Variants in TMEM135 observed in about 807,000 individuals in gnomAD.
TMEM135 encodes peroxisomal membrane protein 52.
Under a neutral mutation model 60.3 loss-of-function variants are expected in TMEM135, and 30 were observed. That is an observed-to-expected ratio of 0.50 (90% CI 0.37 to 0.68). TMEM135 has a LOEUF of 0.68. Ranked by LOEUF, TMEM135 falls within the 30% of genes least tolerant of loss-of-function variation. TMEM135 has a pLI of 0.00. For missense variants in TMEM135, 468 were observed against 548.8 expected (o/e 0.85, Z 1.47); for synonymous variants, 190 against 186.7 (o/e 1.02, Z -0.14).
Position 87,326,456 on chromosome 11 carries a change from G to T in TMEM135, c.*5123G>T, listed in dbSNP as rs764959845. On this transcript the variant is annotated 3_prime_UTR_variant, in exon 15 of 15. Transcript: ENST00000305494. The stretch of plus-strand genomic sequence containing the variant: ...ATCTCTTAAATTAATTTTCTTTTCA[G>T]ATTATTTTTGGTCACCTAAGAGGAC... 3.1e-4 allele frequency: 141 copies of T among 453,830 alleles called. No homozygotes were observed. The highest frequency in any genetic ancestry group is 5.6e-4 in the Non-Finnish European group (127 of 226,774). 28.1% of individuals were successfully genotyped at this position (453,830 alleles called of 1,614,324 possible).
At chr11:87,128,024 C>T (rs771481520) in intron 4 of TMEM135, among the ~76,000 whole-genome samples, 4 of 152,138 alleles carry the variant, frequency 2.6e-5, no homozygotes, top group Non-Finnish European at 4.4e-5. Context: ...TCTCATCATG[C>T]TTGATCTAGA....
At chr11:87,287,819 C>T (rs1234016158) in intron 6 of TMEM135, among the ~76,000 whole-genome samples, 2 of 152,018 alleles carry the variant, frequency 1.3e-5, no homozygotes, top group African/African-American at 2.4e-5. Context: ...TGTTTTGTGC[C>T]TCTTTCTAGC....
chr11:87,326,535 C>A lies in TMEM135; in HGVS notation c.*5202C>A, dbSNP rs1052912773. ...GCATGAAGTACATTCTGTGGTTGGT[C>A]ATTATGGGATTGGATGCCAAAAGGA... On this transcript the variant is annotated 3_prime_UTR_variant, in exon 15 of 15. Transcript: ENST00000305494. 4.4e-6 allele frequency: 2 copies of A among 453,920 alleles called. No individual in the cohort carries two copies. Among genetic ancestry groups the A allele is most frequent in the Admixed American group, 2.4e-5 (1 of 42,530 alleles). 28.1% of individuals were successfully genotyped at this position (453,920 alleles called of 1,614,324 possible). A position where few individuals can be genotyped will look rare whatever the true frequency, so the allele number is the denominator to read the frequency against.
intron 8 of TMEM135, among the ~76,000 whole-genome samples, chr11:87,303,184 G>A (rs574385156): frequency 3.6e-4 from 55 of 152,270 alleles, no homozygotes; most frequent in African/African-American, 1.3e-3. Context: ...GAGCATTACC[G>A]TTTGAACTCT....
At chr11:87,269,092 A>G (rs931224808) in intron 6 of TMEM135, among the ~76,000 whole-genome samples, 3 of 151,044 alleles carry the variant, frequency 2.0e-5, no homozygotes, top group African/African-American at 7.3e-5. Context: ...TACGCAATGC[A>G]CATTTTATTT....
chr11:87,111,642 C>A (rs1857751059), intron 4 of TMEM135, among the ~76,000 whole-genome samples: 1 of 127,494 alleles, frequency 7.8e-6, no homozygotes, highest in Non-Finnish European at 1.6e-5. Context: ...CTGAGCAAGA[C>A]TCCGTCTCAA....
intron 1 of TMEM135, 83 bp downstream of exon 1, chr11:87,038,269 T>TG (rs1204389858): frequency 7.3e-7 from 1 of 1,366,828 alleles, no homozygotes; most frequent in African/African-American, 1.6e-5. Flanking sequence ...CGAGGGGCTC[T>TG]GGGGGACTTG....
chr11:87,214,749 T>C (rs975157040), intron 5 of TMEM135, among the ~76,000 whole-genome samples: 1 of 152,198 alleles, frequency 6.6e-6, no homozygotes, highest in Non-Finnish European at 1.5e-5. Context: ...GGTTGACTTA[T>C]GTAGAGTTTT....
intron 4 of TMEM135, among the ~76,000 whole-genome samples, chr11:87,127,122 A>G (rs969405403): frequency 6.6e-6 from 1 of 152,204 alleles, no homozygotes; most frequent in African/African-American, 2.4e-5. Context: ...AAAAAAAGTA[A>G]TCTGGTTCCT....
intron 1 of TMEM135, among the ~76,000 whole-genome samples, chr11:87,055,669 C>A (rs61906204): frequency 6.6e-6 from 1 of 152,020 alleles, no homozygotes; most frequent in Admixed American, 6.6e-5. Context: ...CGGCTCACGC[C>A]AACCTCCGCC....
At chr11:87,108,489 TAAAA>T (rs934534022) in intron 4 of TMEM135, among the ~76,000 whole-genome samples, 1 of 151,520 alleles carries the variant, frequency 6.6e-6, no homozygotes, top group East Asian at 1.9e-4. Context: ...CAATTTTATT[TAAAA>T]AAACTCTCAG....
At chr11:87,221,070 A>G (rs533968745) in intron 5 of TMEM135, among the ~76,000 whole-genome samples, 2 of 152,304 alleles carry the variant, frequency 1.3e-5, no homozygotes, top group East Asian at 1.9e-4. Flanking sequence ...AATTTGTTCA[A>G]TTCTTCCCAT....
chr11:87,223,667 G>GCACACACACA (rs113588295), intron 5 of TMEM135, among the ~76,000 whole-genome samples: 1 of 118,376 alleles, frequency 8.4e-6, no homozygotes, highest in African/African-American at 2.8e-5. Context: ...GCACATGCAC[G>GCACACACACA]CACACACACA....
At chr11:87,221,210 C>G (rs1274048427) in intron 5 of TMEM135, among the ~76,000 whole-genome samples, 2 of 152,068 alleles carry the variant, frequency 1.3e-5, no homozygotes, top group Non-Finnish European at 2.9e-5. Flanking sequence ...GCTAAAATAC[C>G]ATATGAGGAT....
At position 87,098,490 on chromosome 11, in the gene TMEM135, C is replaced by T. The variant is rs541253412; in HGVS notation, c.396+7095C>T. Among the ~76,000 whole-genome samples the T allele has an allele frequency of 1.9e-3, 294 of 152,062 alleles. 2 individuals carry two copies. Among genetic ancestry groups the T allele is most frequent in the Non-Finnish European group, 3.1e-3 (213 of 67,992 alleles). On this transcript the variant is annotated intron_variant, in intron 4 of 14. Coordinates refer to ENST00000305494, the MANE Select transcript of TMEM135 (RefSeq NM_022918.4). Reference sequence around the variant, plus strand: ...GAAGTACATGACTTATTTTGAACTGCGTGTGAACACTCCTGTTTTGCCAGC... The same window carrying T: ...GAAGTACATGACTTATTTTGAACTGTGTGTGAACACTCCTGTTTTGCCAGC...
intron 6 of TMEM135, among the ~76,000 whole-genome samples, chr11:87,295,182 G>A (rs1893005): frequency 0.63 from 95,816 of 151,894 alleles, 30,510 homozygotes; most frequent in Non-Finnish European, 0.67. Context: ...CAGCTATAGT[G>A]AGCACTCAAT....
intron 6 of TMEM135, among the ~76,000 whole-genome samples, chr11:87,282,616 T>C (rs1942081978): frequency 6.6e-6 from 1 of 152,210 alleles, no homozygotes; most frequent in Non-Finnish European, 1.5e-5. Flanking sequence ...TGTAAAGTCT[T>C]TGCATAAAAC....
intron 5 of TMEM135, among the ~76,000 whole-genome samples, chr11:87,210,315 G>T (rs553456267): frequency 2.0e-5 from 3 of 152,100 alleles, no homozygotes; most frequent in African/African-American, 7.2e-5. Context: ...AACACAATCC[G>T]AAGTGATGAA....
intron 6 of TMEM135, among the ~76,000 whole-genome samples, chr11:87,292,183 A>T (rs1380444418): frequency 6.6e-6 from 1 of 152,224 alleles, no homozygotes; most frequent in Non-Finnish European, 1.5e-5. Flanking sequence ...TACTGTGTAA[A>T]GTAATGAAGC....
Sources: gnomAD v4.1 joint callset for allele counts (sites outside exome capture counted in the v4.1 genomes callset) on GRCh38, gnomAD v4.1.1 for gene constraint, MANE v1.5 for transcripts, NCBI Gene and HGNC (gene_info 2026-07-23, HGNC 2026-07-21) for gene names.